The following SLC39A11 variants were observed in gnomAD, a reference collection of about 807,000 sequenced individuals.
The protein encoded by SLC39A11 is zinc transporter ZIP11.
A neutral mutation model predicts 36.1 loss-of-function variants in SLC39A11; 33 were observed. That is an observed-to-expected ratio of 0.91 (90% CI 0.69 to 1.22). SLC39A11 has a LOEUF of 1.22. Ranked by LOEUF, SLC39A11 falls within the 50% of genes most tolerant of loss-of-function variation. The pLI, the probability that SLC39A11 is intolerant of heterozygous loss-of-function variation, is 0.00. For missense variants in SLC39A11, 432 were observed against 430.3 expected, an observed-to-expected ratio of 1.00 and a Z score of -0.03; for synonymous variants, 166 against 170.3, an observed-to-expected ratio of 0.97 and a Z score of 0.20.
intron 7 of SLC39A11, among the ~76,000 whole-genome samples, chr17:72,719,935 C>T (rs1259143591): frequency 6.6e-6 from 1 of 152,116 alleles, no homozygotes; most frequent in Non-Finnish European, 1.5e-5. Flanking sequence ...TTCCTTTTTG[C>T]TCTGAGAAGG....
intron 3 of SLC39A11, among the ~76,000 whole-genome samples, chr17:73,063,696 A>G (rs2059915129): frequency 6.6e-6 from 1 of 152,016 alleles, no homozygotes; most frequent in Non-Finnish European, 1.5e-5. Context: ...AACGGATGAG[A>G]AAGTGCTTCA....
chr17:73,033,668 G>A (rs2058811840), intron 3 of SLC39A11, among the ~76,000 whole-genome samples: 1 of 152,160 alleles, frequency 6.6e-6, no homozygotes, highest in Non-Finnish European at 1.5e-5. Flanking sequence ...TTTGGCTAGA[G>A]TACACCCACC....
chr17:72,996,116 G>A (rs533908467), intron 4 of SLC39A11, among the ~76,000 whole-genome samples: 4 of 152,128 alleles, frequency 2.6e-5, no homozygotes, highest in African/African-American at 9.6e-5. Context: ...ATCTGAAGAT[G>A]TCACTCCCTT....
chr17:73,059,523 C>T (rs1377301408), intron 3 of SLC39A11, among the ~76,000 whole-genome samples: 5 of 151,688 alleles, frequency 3.3e-5, no homozygotes, highest in East Asian at 3.9e-4. Flanking sequence ...AAAAATTAGC[C>T]GGGCATGGGG....
intron 6 of SLC39A11, among the ~76,000 whole-genome samples, chr17:72,774,860 C>A (rs2076079522): frequency 6.6e-6 from 1 of 152,078 alleles, no homozygotes; most frequent in Non-Finnish European, 1.5e-5. Context: ...AGGATACATC[C>A]CCTTTAGTCT....
chr17:73,039,167 T>C (rs1323775834), intron 3 of SLC39A11, among the ~76,000 whole-genome samples: 3 of 152,134 alleles, frequency 2.0e-5, no homozygotes, highest in Non-Finnish European at 2.9e-5. Flanking sequence ...CTAAGAATCC[T>C]GAGAGTCAAT....
chr17:72,916,775 G>C (rs996740592), intron 5 of SLC39A11, among the ~76,000 whole-genome samples: 1 of 152,062 alleles, frequency 6.6e-6, no homozygotes, highest in African/African-American at 2.4e-5. Flanking sequence ...TCTCCCAAAA[G>C]GCTTCCCCAT....
rs569100122 is a variant in SLC39A11, at chr17:72,846,018, CTTTTTTTTTTTTT to C, written c.601+3603_601+3615del. On this transcript the variant is annotated intron_variant, in intron 6 of 9. Transcript: ENST00000255559. ...CCAATGAATCTCTCTCTCTCTCTCTCTTTTTTTTTTTTTTTTTTTTTTTTTTTTTGAGACAGAG... is the reference window on the plus strand; with the variant it reads ...CCAATGAATCTCTCTCTCTCTCTCTCTTTTTTTTTTTTTTTTGAGACAGAG... Among the ~76,000 whole-genome samples the C allele has an allele frequency of 3.7e-3, 215 of 57,966 alleles. 3 individuals are homozygous for C. In the Middle Eastern group the frequency reaches 0.1, roughly 27 times the overall value. The allele number at this position is 57,966 out of a possible 152,430, so 38.0% of individuals were successfully genotyped here. A position where few individuals can be genotyped will look rare whatever the true frequency, so the allele number is the denominator to read the frequency against.
intron 5 of SLC39A11, among the ~76,000 whole-genome samples, chr17:72,941,223 T>C (rs919771058): frequency 3.3e-5 from 5 of 152,158 alleles, no homozygotes; most frequent in African/African-American, 9.7e-5. Context: ...CAGTGAGCCA[T>C]GATCGCACCA....
At chr17:72,737,343 T>C (rs78075912) in intron 6 of SLC39A11, among the ~76,000 whole-genome samples, 2,629 of 152,276 alleles carry the variant, frequency 0.017, 69 homozygotes, top group African/African-American at 0.052. Context: ...GAAGTTGTAC[T>C]GGCACACAGC....
chr17:72,780,527 C>CG (rs1568079408), intron 6 of SLC39A11, among the ~76,000 whole-genome samples: 2 of 110,346 alleles, frequency 1.8e-5, no homozygotes, highest in African/African-American at 3.3e-5. Context: ...AGATGGGGGG[C>CG]GGGTGGGGGC....
At chr17:72,649,638 C>CT (rs2069755194) in intron 7 of SLC39A11, among the ~76,000 whole-genome samples, 1 of 131,732 alleles carries the variant, frequency 7.6e-6, no homozygotes, top group South Asian at 2.3e-4. Flanking sequence ...TTCTTTTTTT[C>CT]TTTTTCTTTT....
chr17:73,056,162 G>GT (rs1400777737), intron 3 of SLC39A11, among the ~76,000 whole-genome samples: 3 of 151,150 alleles, frequency 2.0e-5, no homozygotes, highest in African/African-American at 4.9e-5. Context: ...TTGGACTCTG[G>GT]TTTTTTGTTT....
intron 7 of SLC39A11, among the ~76,000 whole-genome samples, chr17:72,723,171 G>A (rs2073772935): frequency 6.6e-6 from 1 of 152,166 alleles, no homozygotes; most frequent in African/African-American, 2.4e-5. Flanking sequence ...CATACAGTAA[G>A]GGCCGAGTGC....
intron 3 of SLC39A11, among the ~76,000 whole-genome samples, chr17:73,062,795 C>T (rs1331440683): frequency 6.6e-6 from 1 of 152,102 alleles, no homozygotes; most frequent in African/African-American, 2.4e-5. Flanking sequence ...AATCATCAGG[C>T]GTTAGAGTCT....
At chr17:72,763,491 C>A (rs922847114) in intron 6 of SLC39A11, among the ~76,000 whole-genome samples, 1 of 152,172 alleles carries the variant, frequency 6.6e-6, no homozygotes, top group Non-Finnish European at 1.5e-5. Flanking sequence ...GACAACGGAA[C>A]CCTTTTATTA....
At position 73,084,835 on chromosome 17, in the gene SLC39A11, T is replaced by A; in HGVS notation, c.120A>T (p.Leu40Phe). The A allele has an allele frequency of 6.2e-7, 1 of 1,614,110 alleles. No individual in the cohort carries two copies. Among genetic ancestry groups the A allele is most frequent in the Non-Finnish European group, 8.5e-7 (1 of 1,180,004 alleles). ...CTGCAGCAAAGCCAAGACTTCCATC[T>A]AAGATCCGCCTCTGAAAATCAAAAC... ...FVFSSGQRRI[L>F]DGSLGFAAGV... is the part of the protein sequence containing the mutation. Residue 40 changes from leucine (L) to phenylalanine (F), a missense_variant, in exon 3 of 10, where the codon TTA (leucine) becomes TTT (phenylalanine). Transcript: ENST00000255559.
intron 4 of SLC39A11, among the ~76,000 whole-genome samples, chr17:72,990,779 C>T (rs1419336358): frequency 6.6e-6 from 1 of 152,158 alleles, no homozygotes. Flanking sequence ...CACATCTACA[C>T]TAAAATCTTA....
At chr17:72,847,469 G>C (rs1387670562) in intron 6 of SLC39A11, among the ~76,000 whole-genome samples, 2 of 151,730 alleles carry the variant, frequency 1.3e-5, no homozygotes, top group African/African-American at 4.8e-5. Flanking sequence ...CAAAGAAAAG[G>C]GTCAAGAGGG....
Sources: allele counts gnomAD v4.1 joint callset (sites outside exome capture counted in the v4.1 genomes callset), GRCh38; gene constraint gnomAD v4.1.1; transcripts MANE v1.5; gene names NCBI Gene and HGNC (gene_info 2026-07-23, HGNC 2026-07-21).